Variants in CSMD3 observed in about 807,000 individuals in gnomAD.
CSMD3 encodes CUB and Sushi multiple domains 3.
CSMD3 carries 177 observed loss-of-function variants against 435.2 expected under a neutral mutation model. The observed-to-expected ratio is 0.41, with a 90% CI of 0.36 to 0.46. CSMD3 has a LOEUF of 0.46. Among genes scored for constraint, CSMD3 ranks in the 20% least tolerant of loss-of-function variants. CSMD3 has a pLI of 0.34. For missense variants in CSMD3, 4,265 were observed against 4,504.6 expected (o/e 0.95, Z 1.52); for synonymous variants, 1,656 against 1,520.5 (o/e 1.09, Z -2.07).
intron 1 of CSMD3, among the ~76,000 whole-genome samples, chr8:113,433,635 G>A (rs906039979): frequency 6.6e-6 from 1 of 152,202 alleles, no homozygotes; most frequent in African/African-American, 2.4e-5. Context: ...CGCCGCACCC[G>A]GTCTCCCACC....
chr8:113,263,704 A>C (rs2093445302), intron 3 of CSMD3, among the ~76,000 whole-genome samples: 1 of 151,888 alleles, frequency 6.6e-6, no homozygotes, highest in African/African-American at 2.4e-5. Context: ...TATATGATTA[A>C]AAGAACATAT....
chr8:112,812,423 C>A (rs2079252434), intron 12 of CSMD3, among the ~76,000 whole-genome samples: 1 of 152,110 alleles, frequency 6.6e-6, no homozygotes, highest in South Asian at 2.1e-4. Flanking sequence ...AGATGCAAAC[C>A]CCCTGGAAGC....
At position 113,159,402 on chromosome 8, in the gene CSMD3, C is replaced by CA. The variant is rs1394485840; in HGVS notation, c.709+14319dup. On this transcript the variant is annotated intron_variant, in intron 4 of 70. Coordinates refer to ENST00000297405, the MANE Select transcript of CSMD3 (RefSeq NM_198123.2). Reference sequence around the variant, plus strand: ...TTCTTAAAAAGTAGTGCCTGATTGCCATTTGTATTTTGTTTTCTTTTTTTC... The same window carrying CA: ...TTCTTAAAAAGTAGTGCCTGATTGCCAATTTGTATTTTGTTTTCTTTTTTTC... Among the ~76,000 whole-genome samples the CA allele has an allele frequency of 3.3e-5, 5 of 151,932 alleles. No homozygotes were observed. The East Asian group carries it at 9.7e-4, about 29-fold the overall frequency.
chr8:112,976,393 A>T (rs1330294196), intron 6 of CSMD3, among the ~76,000 whole-genome samples: 1 of 152,122 alleles, frequency 6.6e-6, no homozygotes, highest in East Asian at 1.9e-4. Flanking sequence ...CATTGAAGAG[A>T]GCAGGTAAAA....
chr8:112,304,934 G>A lies in CSMD3; in HGVS notation c.8072-19C>T, dbSNP rs140169789. The A allele has an allele frequency of 2.8e-4, 446 of 1,590,068 alleles. 1 individual carries two copies. In the African/African-American group the frequency reaches 5.4e-3, roughly 19 times the overall value. On this transcript the variant is annotated intron_variant, in intron 51 of 70. Coordinates refer to ENST00000297405, the MANE Select transcript of CSMD3 (RefSeq NM_198123.2). ...GTAACAACTATACAAAAACCAAAGG[G>A]TGTAATTGCTAACAAATCACTATAT...
intron 32 of CSMD3, among the ~76,000 whole-genome samples, chr8:112,452,158 T>C (rs1816355784): frequency 6.6e-6 from 1 of 152,198 alleles, no homozygotes; most frequent in Non-Finnish European, 1.5e-5. Flanking sequence ...AGTTTAAATC[T>C]TAGCAAACTA....
intron 4 of CSMD3, among the ~76,000 whole-genome samples, chr8:113,138,913 T>A (rs1354870431): frequency 6.6e-6 from 1 of 151,126 alleles, no homozygotes. Flanking sequence ...GGAAATTTAA[T>A]TATTATATAA....
chr8:113,218,748 T>C (rs535094525), intron 3 of CSMD3, among the ~76,000 whole-genome samples: 53 of 151,430 alleles, frequency 3.5e-4, no homozygotes, highest in African/African-American at 1.3e-3. Flanking sequence ...ATTACTGAAA[T>C]ACAGGTTGAG....
At chr8:112,235,819 G>C (rs1310120904) in intron 67 of CSMD3, among the ~76,000 whole-genome samples, 1 of 152,012 alleles carries the variant, frequency 6.6e-6, no homozygotes, top group South Asian at 2.1e-4. Context: ...GCTACAATTG[G>C]TTTATATGGA....
intron 13 of CSMD3, among the ~76,000 whole-genome samples, chr8:112,788,542 C>T (rs1418941400): frequency 6.6e-6 from 1 of 152,080 alleles, no homozygotes; most frequent in Non-Finnish European, 1.5e-5. Flanking sequence ...CCAAAAAACA[C>T]ATTCTGTTTT....
At chr8:112,744,822 G>A (rs756696628) in intron 13 of CSMD3, among the ~76,000 whole-genome samples, 1 of 151,980 alleles carries the variant, frequency 6.6e-6, no homozygotes, top group Non-Finnish European at 1.5e-5. Flanking sequence ...GACAGCAATG[G>A]GCAAGATGTG....
At chr8:112,924,352 G>C (rs2082843439) in intron 9 of CSMD3, among the ~76,000 whole-genome samples, 1 of 152,082 alleles carries the variant, frequency 6.6e-6, no homozygotes, top group African/African-American at 2.4e-5. Flanking sequence ...AAAAACTTTA[G>C]GGGATGGAGA....
At chr8:112,615,476 T>C (rs1833596641) in intron 22 of CSMD3, among the ~76,000 whole-genome samples, 1 of 152,108 alleles carries the variant, frequency 6.6e-6, no homozygotes, top group Non-Finnish European at 1.5e-5. Flanking sequence ...ATAGTTAAGA[T>C]AGCACAGTAA....
rs556895144 is a variant in CSMD3 at position 112,286,260 on chromosome 8, C to A, written c.9331+804G>T. ...CTCTTGTCTCTACAATATAGGTACA[C>A]TAGTCTCCCCTTATCTACTATTCTT... On this transcript the variant is annotated intron_variant, in intron 58 of 70. Coordinates refer to ENST00000297405, the MANE Select transcript of CSMD3 (RefSeq NM_198123.2). Among the ~76,000 whole-genome samples, 46 of 152,110 alleles carry A rather than the reference C, an allele frequency of 3.0e-4. 1 individual carries two copies. The highest frequency in any genetic ancestry group is 5.1e-4 in the Non-Finnish European group (35 of 68,020).
At chr8:112,646,676 C>G (rs1428511550) in intron 19 of CSMD3, among the ~76,000 whole-genome samples, 1 of 152,090 alleles carries the variant, frequency 6.6e-6, no homozygotes, top group Non-Finnish European at 1.5e-5. Context: ...CGTACTATTA[C>G]TTTGACTAGA....
chr8:113,414,599 A>AT (rs934416585), intron 1 of CSMD3, among the ~76,000 whole-genome samples: 1 of 140,310 alleles, frequency 7.1e-6, no homozygotes, highest in African/African-American at 2.7e-5. Context: ...AACATATTAT[A>AT]TTTTTTCTTC....
intron 1 of CSMD3, among the ~76,000 whole-genome samples, chr8:113,406,162 C>T (rs2094531966): frequency 6.6e-6 from 1 of 151,764 alleles, no homozygotes; most frequent in Non-Finnish European, 1.5e-5. Context: ...TAGAGCAGAC[C>T]TATTAATTCT....
intron 32 of CSMD3, among the ~76,000 whole-genome samples, chr8:112,429,629 A>C (rs1813447692): frequency 6.6e-6 from 1 of 152,044 alleles, no homozygotes; most frequent in Non-Finnish European, 1.5e-5. Flanking sequence ...GGCTCCTCCT[A>C]CCTGGATTTC....
At chr8:113,344,996 T>C (rs188771137) in intron 1 of CSMD3, among the ~76,000 whole-genome samples, 2 of 152,226 alleles carry the variant, frequency 1.3e-5, no homozygotes, top group East Asian at 3.9e-4. Flanking sequence ...TGTGTCTTCT[T>C]TGGACCTCAC....
Sources: allele counts gnomAD v4.1 joint callset (sites outside exome capture counted in the v4.1 genomes callset), GRCh38; gene constraint gnomAD v4.1.1; transcripts MANE v1.5; gene names NCBI Gene and HGNC (gene_info 2026-07-23, HGNC 2026-07-21).